The following ZNF638 variants were observed in gnomAD, a reference collection of about 807,000 sequenced individuals.
ZNF638 encodes zinc finger protein 638, also known as CTCL tumor antigen se33-1.
Under a neutral mutation model 195.6 loss-of-function variants are expected in ZNF638, and 46 were observed. The observed-to-expected ratio is 0.24, with a 90% CI of 0.19 to 0.30. ZNF638 has a LOEUF of 0.30. ZNF638 is among the 10% of genes least tolerant of loss of function. The pLI, the probability that ZNF638 is intolerant of heterozygous loss-of-function variation, is 1.00. For missense variants in ZNF638, 2,440 were observed against 2,325.3 expected, an observed-to-expected ratio of 1.05 and a Z score of -1.01; for synonymous variants, 845 against 772.0, an observed-to-expected ratio of 1.09 and a Z score of -1.57.
intron 1 of ZNF638, chr2:71,332,830 G>A (rs2078596621): frequency 6.6e-6 from 1 of 152,120 alleles, no homozygotes; most frequent in African/African-American, 2.4e-5. Context: ...TTGTCCTTAG[G>A]CGAAGTTTGG....
chr2:71,333,319 GATTT>G lies in ZNF638; in HGVS notation c.-203+1449_-203+1452del, dbSNP rs767899285. 7.2e-5 allele frequency among the ~76,000 whole-genome samples: 11 copies of G among 152,268 alleles called. No individual in the cohort carries two copies. In the South Asian group the frequency reaches 1.0e-3, roughly 14 times the overall value. ...TATGCTGGGCCATTCCTTCCTTGGGGATTTATTTGTCTTGGAACCAAGAAAGGGT... is the reference window on the plus strand; with the variant it reads ...TATGCTGGGCCATTCCTTCCTTGGGGATTTGTCTTGGAACCAAGAAAGGGT... On this transcript the variant is annotated intron_variant, in intron 1 of 27. Transcript: ENST00000264447.
chr2:71,352,493 A>T (rs957372591), intron 2 of ZNF638, among the ~76,000 whole-genome samples: 77 of 47,570 alleles, frequency 1.6e-3, no homozygotes, highest in African/African-American at 5.8e-3. Flanking sequence ...AAATAAAAAA[A>T]ATAAAAAAAA....
chr2:71,362,198 A>T (rs1054916705), intron 3 of ZNF638, among the ~76,000 whole-genome samples: 1 of 151,406 alleles, frequency 6.6e-6, no homozygotes. Context: ...ATCTTTTATT[A>T]TTTTTTTTCT....
chr2:71,370,437 CTTTGGG>C (rs1371613952), intron 8 of ZNF638, among the ~76,000 whole-genome samples: 6 of 152,146 alleles, frequency 3.9e-5, no homozygotes, highest in African/African-American at 1.4e-4. Context: ...AGTGTACATT[CTTTGGG>C]CCTTTACTTC....
rs575682711 is a variant in ZNF638, at chr2:71,338,522, T to A, written c.-203+6647T>A. Among the ~76,000 whole-genome samples the A allele has an allele frequency of 5.3e-5, 8 of 152,356 alleles. No individual in the cohort carries two copies. In the East Asian group the frequency reaches 1.5e-3, roughly 29 times the overall value. ...TTTACTTACTTGCTCAAACTTATGATGTATCTAAAGTAGTTTCAGAATTGC... is the reference window on the plus strand; with the variant it reads ...TTTACTTACTTGCTCAAACTTATGAAGTATCTAAAGTAGTTTCAGAATTGC... On this transcript the variant is annotated intron_variant, in intron 1 of 27. Coordinates refer to ENST00000264447, the MANE Select transcript of ZNF638 (RefSeq NM_014497.5).
In ZNF638 at chr2:71,433,146, G is replaced by T. The variant is rs899061591; in HGVS notation, c.5753-19G>T. ...ATTAATTATTGTTAATTTTCTTCTTGTCTCTTCTTATCCTCTAGAATTAGA... is the reference window on the plus strand; with the variant it reads ...ATTAATTATTGTTAATTTTCTTCTTTTCTCTTCTTATCCTCTAGAATTAGA... On this transcript the variant is annotated intron_variant, in intron 26 of 27. Coordinates refer to ENST00000264447, the MANE Select transcript of ZNF638 (RefSeq NM_014497.5). 5 of 1,479,568 alleles carry T rather than the reference G, an allele frequency of 3.4e-6. No homozygotes were observed. The highest frequency in any genetic ancestry group is 4.7e-6 in the Non-Finnish European group (5 of 1,061,908). 91.7% of individuals were successfully genotyped at this position (1,479,568 alleles called of 1,614,324 possible).
chr2:71,389,730 G>A (rs1473302039), intron 10 of ZNF638, among the ~76,000 whole-genome samples: 1 of 152,152 alleles, frequency 6.6e-6, no homozygotes, highest in Non-Finnish European at 1.5e-5. Context: ...ATAAATGTTC[G>A]ACAAGGGCCT....
At chr2:71,395,925 T>A (rs2079883534) in intron 10 of ZNF638, 19 of 593,402 alleles carry the variant, frequency 3.2e-5, no homozygotes, top group Non-Finnish European at 5.6e-5. Flanking sequence ...AAGGTCAGTC[T>A]AATGTTACTT....
At chr2:71,395,719 A>G (rs1242174020) in intron 10 of ZNF638, 1 of 418,004 alleles carries the variant, frequency 2.4e-6, no homozygotes, top group Admixed American at 3.5e-5. Flanking sequence ...TGGTGTCTCT[A>G]AGGCCGAACA....
rs2080099198 is a variant in ZNF638 at position 71,406,045 on chromosome 2, T to A, written c.3001-83T>A. The A allele has an allele frequency of 2.0e-6, 3 of 1,509,682 alleles. No homozygotes were observed. The East Asian group carries it at 6.8e-5, about 34-fold the overall frequency. The allele number at this position is 1,509,682 out of a possible 1,614,324, so 93.5% of individuals were successfully genotyped here. ...GGGAGAGAACATCATCTGACCTCTG[T>A]AATAGTAAGTTAATGTTAATCTGTT... is the stretch of plus-strand genomic sequence containing the variant. On this transcript the variant is annotated intron_variant, in intron 18 of 27. Transcript: ENST00000264447.
chr2:71,399,927 AT>A (rs2079972323), intron 13 of ZNF638, among the ~76,000 whole-genome samples, 184 bp from the exon 14 acceptor site: 1 of 152,016 alleles, frequency 6.6e-6, no homozygotes, highest in South Asian at 2.1e-4. Flanking sequence ...ATATTTTGAA[AT>A]TTTGCCTAAA....
At position 71,400,177 on chromosome 2, in the gene ZNF638, T is replaced by C; in HGVS notation, c.2653T>C (p.Ser885Pro). ...TGAAAACTGTGCTAAAGAAGCTATT[T>C]CTGGTAGGTCAATAGAAATTTTATT... ...ATENCAKEAI[S>P]DAALEATENE... is the part of the protein sequence containing the mutation. The change falls in exon 14 of 28, where the codon TCT (serine) becomes CCT (proline). Residue 885 changes from serine (S) to proline (P), a missense_variant. Ser to Pro is a moderately conservative substitution (Grantham distance 74). Coordinates refer to ENST00000264447, the MANE Select transcript of ZNF638 (RefSeq NM_014497.5). 1.2e-6 allele frequency: 2 copies of C among 1,602,968 alleles called. No individual in the cohort carries two copies. Among genetic ancestry groups the C allele is most frequent in the Non-Finnish European group, 1.7e-6 (2 of 1,175,506 alleles).
chr2:71,395,999 A>G (rs935884085), intron 10 of ZNF638, 142 bp from the exon 11 acceptor site: 31 of 710,188 alleles, frequency 4.4e-5, no homozygotes, highest in Non-Finnish European at 7.3e-5. Flanking sequence ...TTGCCCCCAT[A>G]GTAATTCCAT....
intron 12 of ZNF638, among the ~76,000 whole-genome samples, chr2:71,399,183 C>T (rs1280333256): frequency 6.6e-6 from 1 of 152,028 alleles, no homozygotes; most frequent in Non-Finnish European, 1.5e-5. Flanking sequence ...AAATGGAACA[C>T]TATTTAAAAT....
At position 71,365,312 on chromosome 2, in the gene ZNF638, T is replaced by G. The variant is rs1573054453; in HGVS notation, c.1718-117T>G. 9 of 827,514 alleles carry G rather than the reference T, an allele frequency of 1.1e-5. No homozygotes were observed. In the East Asian group the frequency reaches 2.2e-4, roughly 21 times the overall value. The allele number at this position is 827,514 out of a possible 1,614,324, so 51.3% of individuals were successfully genotyped here. On this transcript the variant is annotated intron_variant, in intron 5 of 27. Transcript: ENST00000264447. ...TTCTGAGTGCATAAAATCTAGATTT[T>G]TGTATTGTCTGTGTGCTCCCTGTTT...
chr2:71,377,829 AT>A (rs1242914790), intron 8 of ZNF638, among the ~76,000 whole-genome samples: 3 of 152,266 alleles, frequency 2.0e-5, no homozygotes, highest in African/African-American at 7.2e-5. Flanking sequence ...GGGGCACCTT[AT>A]AGTGATCTAG....
intron 6 of ZNF638, 96 bp downstream of exon 6, chr2:71,365,802 C>A: frequency 8.3e-7 from 1 of 1,198,228 alleles, no homozygotes; most frequent in Non-Finnish European, 1.2e-6. Context: ...TCACTGCAGC[C>A]TCGATCTCCT....
In ZNF638 at chr2:71,363,960, G is replaced by A. The variant is rs2079152561; in HGVS notation, c.1425G>A (p.Glu475=). 1.2e-6 allele frequency: 2 copies of A among 1,611,266 alleles called. No homozygotes were observed. The highest frequency in any genetic ancestry group is 1.7e-6 in the Non-Finnish European group (2 of 1,178,412). The change falls in exon 5 of 28, where the codon GAG becomes GAA. Residue 475 remains glutamate (E), a synonymous_variant. Coordinates refer to ENST00000264447, the MANE Select transcript of ZNF638 (RefSeq NM_014497.5). ...TCCGCCCCCCTGCTTGTAGAAATGA[G>A]GGCAATAGAAAAGAAAATGAAACTC... ...NPEILPSRRN[E]GNRKENETPR...
chr2:71,388,933 A>G (rs953318073), intron 10 of ZNF638, among the ~76,000 whole-genome samples: 1 of 152,198 alleles, frequency 6.6e-6, no homozygotes, highest in Non-Finnish European at 1.5e-5. Context: ...TTCCCAGCAG[A>G]AGGCATGCTG....
Sources: allele counts gnomAD v4.1 joint callset (sites outside exome capture counted in the v4.1 genomes callset), GRCh38; gene constraint gnomAD v4.1.1; transcripts MANE v1.5; gene names NCBI Gene and HGNC (gene_info 2026-07-23, HGNC 2026-07-21).